The following NRG1 variants were observed in gnomAD, a reference collection of about 807,000 sequenced individuals.
NRG1 encodes neuregulin 1.
NRG1 carries 18 observed loss-of-function variants against 63.8 expected under a neutral mutation model. The observed-to-expected ratio is 0.28, with a 90% confidence interval of 0.19 to 0.42. The LOEUF (loss-of-function observed/expected upper bound fraction) is 0.42. Ranked by LOEUF, NRG1 falls within the 10% of genes least tolerant of loss-of-function variation. The probability of loss-of-function intolerance (pLI) is 1.00; values close to 1 mark genes in which losing one functional copy is unlikely to be tolerated. For missense variants in NRG1, 762 were observed against 814.7 expected, an observed-to-expected ratio of 0.94 and a Z score of 0.79; for synonymous variants, 302 against 301.3, an observed-to-expected ratio of 1.00 and a Z score of -0.02.
chr8:32,446,724 C>T (rs1013422446), intron 1 of NRG1, among the ~76,000 whole-genome samples: 1 of 151,578 alleles, frequency 6.6e-6, no homozygotes, highest in African/African-American at 2.4e-5. Context: ...AGCAGCAATG[C>T]AGATCAAAAC....
chr8:32,008,597 G>C (rs570709900), intron 1 of NRG1, among the ~76,000 whole-genome samples: 6 of 152,078 alleles, frequency 3.9e-5, no homozygotes, highest in Admixed American at 3.3e-4. Flanking sequence ...AGACTGGAGT[G>C]TTTTCCAAAA....
intron 5 of NRG1, among the ~76,000 whole-genome samples, chr8:32,663,282 T>A (rs1329445421): frequency 6.6e-6 from 1 of 152,164 alleles, no homozygotes; most frequent in African/African-American, 2.4e-5. Context: ...GTGCACTTTA[T>A]CCCTAAGGTG....
At chr8:32,676,430 T>C (rs1236317345) in intron 5 of NRG1, among the ~76,000 whole-genome samples, 2 of 152,214 alleles carry the variant, frequency 1.3e-5, no homozygotes, top group Non-Finnish European at 2.9e-5. Flanking sequence ...CTCATAATTA[T>C]GTTCCGTATT....
intron 1 of NRG1, among the ~76,000 whole-genome samples, chr8:31,831,792 C>A (rs1825186198): frequency 1.3e-5 from 2 of 152,116 alleles, no homozygotes; most frequent in African/African-American, 4.8e-5. Flanking sequence ...TATGGCTATG[C>A]CATTTTGAGA....
chr8:32,624,473 C>G (rs750339857), intron 5 of NRG1, among the ~76,000 whole-genome samples: 2 of 151,984 alleles, frequency 1.3e-5, no homozygotes, highest in African/African-American at 2.4e-5. Context: ...AGCAAACAAC[C>G]TTAGAAAAAT....
At chr8:32,129,318 G>A (rs1324391599) in intron 1 of NRG1, among the ~76,000 whole-genome samples, 1 of 151,898 alleles carries the variant, frequency 6.6e-6, no homozygotes, top group Non-Finnish European at 1.5e-5. Context: ...AAATCAAGGT[G>A]TTGTCAGGGC....
chr8:32,526,710 G>A, intron 1 of NRG1, among the ~76,000 whole-genome samples: 1 of 152,116 alleles, frequency 6.6e-6, no homozygotes, highest in East Asian at 1.9e-4. Flanking sequence ...ACTATCCCAA[G>A]TGATCATCAT....
intron 1 of NRG1, among the ~76,000 whole-genome samples, chr8:32,552,112 T>A (rs927009707): frequency 6.6e-6 from 1 of 152,018 alleles, no homozygotes; most frequent in East Asian, 1.9e-4. Flanking sequence ...GGTTTCACCA[T>A]GTTGGCCAGG....
intron 1 of NRG1, among the ~76,000 whole-genome samples, chr8:31,955,223 A>C (rs970826624): frequency 2.6e-5 from 4 of 152,212 alleles, no homozygotes; most frequent in Non-Finnish European, 4.4e-5. Flanking sequence ...AAAAAATAAA[A>C]GTCATATAAG....
intron 5 of NRG1, among the ~76,000 whole-genome samples, chr8:32,725,325 A>T (rs1407647951): frequency 6.6e-6 from 1 of 152,136 alleles, no homozygotes; most frequent in Non-Finnish European, 1.5e-5. Context: ...GCGTGGTGAC[A>T]GCACACCACA....
chr8:32,423,710 C>A (rs1444953355), intron 1 of NRG1, among the ~76,000 whole-genome samples: 1 of 152,088 alleles, frequency 6.6e-6, no homozygotes, highest in Non-Finnish European at 1.5e-5. Flanking sequence ...GCCAGAGACC[C>A]ACTACCTAAC....
chr8:32,769,186 G>C (rs1375561683), downstream of NRG1, among the ~76,000 whole-genome samples: 2 of 152,144 alleles, frequency 1.3e-5, no homozygotes, highest in African/African-American at 4.8e-5. Flanking sequence ...CTCAGTTTTT[G>C]CTGAGGCTTT....
intron 1 of NRG1, among the ~76,000 whole-genome samples, chr8:32,143,097 T>C (rs1330272801): frequency 6.6e-6 from 1 of 152,204 alleles, no homozygotes; most frequent in African/African-American, 2.4e-5. Flanking sequence ...TGAAGTCAAC[T>C]GTTGGTCCAC....
chr8:32,520,141 A>G (rs1588090462), intron 1 of NRG1, among the ~76,000 whole-genome samples: 1 of 152,038 alleles, frequency 6.6e-6, no homozygotes, highest in African/African-American at 2.4e-5. Context: ...GAGCTTACTT[A>G]GCTCAGGTCC....
chr8:31,989,253 C>CAAAAAA (rs10692906), intron 1 of NRG1, among the ~76,000 whole-genome samples: 40,166 of 47,608 alleles, frequency 0.84, 17,839 homozygotes, highest in Middle Eastern at 1. Context: ...GACTCTGTCT[C>CAAAAAA]AAAAAAAAAA....
chr8:32,005,644 T>C (rs1813658938), intron 1 of NRG1, among the ~76,000 whole-genome samples: 1 of 152,044 alleles, frequency 6.6e-6, no homozygotes, highest in African/African-American at 2.4e-5. Context: ...ATTGGTGTTA[T>C]GCTTTAGACA....
At chr8:32,090,905 A>G (rs1375796125) in intron 1 of NRG1, among the ~76,000 whole-genome samples, 2 of 152,164 alleles carry the variant, frequency 1.3e-5, no homozygotes, top group East Asian at 3.9e-4. Context: ...GACCAAAATT[A>G]AATCTAAACA....
At chr8:31,742,455 A>ATTTTTTTTTTTTTTTTTTTTTT (rs36040084) in intron 1 of NRG1, among the ~76,000 whole-genome samples, 6 of 80,024 alleles carry the variant, frequency 7.5e-5, no homozygotes, top group Admixed American at 1.9e-4. Context: ...TTTTTTAAGA[A>ATTTTTTTTTTTTTTTTTTTTTT]TTTTTTTTTT....
At chr8:32,327,809 C>A (rs1427618952) in intron 1 of NRG1, among the ~76,000 whole-genome samples, 1 of 152,158 alleles carries the variant, frequency 6.6e-6, no homozygotes, top group African/African-American at 2.4e-5. Flanking sequence ...TTGTGAGATT[C>A]CTCTGCTGTT....
Sources: allele counts gnomAD v4.1 joint callset (sites outside exome capture counted in the v4.1 genomes callset), GRCh38; gene constraint gnomAD v4.1.1; transcripts MANE v1.5; gene names NCBI Gene and HGNC (gene_info 2026-07-23, HGNC 2026-07-21).